Variants in CFAP97D2 observed in about 807,000 individuals in gnomAD.
CFAP97D2 encodes the protein CFAP97 domain containing 2, also known as uncharacterized protein CFAP97D2.
At position 114,200,288 on chromosome 13, in the gene CFAP97D2, C is replaced by G. The variant is rs1594517850; in HGVS notation, c.172-37C>G. Reference sequence around the variant, plus strand: ...GTGGCGTGAGGAAGAGCCTCGCAATCTGCCGGCGCTCCTCCAGCCTCCTTC... The same window carrying G: ...GTGGCGTGAGGAAGAGCCTCGCAATGTGCCGGCGCTCCTCCAGCCTCCTTC... On this transcript the variant is annotated intron_variant, in intron 2 of 4. Coordinates refer to ENST00000646158, the Ensembl canonical transcript of CFAP97D2. 1.3e-5 allele frequency: 5 copies of G among 398,554 alleles called. No individual in the cohort carries two copies. The East Asian group carries it at 1.8e-4, about 14-fold the overall frequency. 24.7% of individuals were successfully genotyped at this position (398,554 alleles called of 1,614,324 possible).
At chr13:114,201,209 T>C (rs934401504) in intron 3 of CFAP97D2, among the ~76,000 whole-genome samples, 24 of 152,176 alleles carry the variant, frequency 1.6e-4, no homozygotes, top group African/African-American at 5.8e-4. Context: ...TAGAGTAACC[T>C]CATAGTTACA....
chr13:114,197,205 T>C (rs1361119415), intron 2 of CFAP97D2, among the ~76,000 whole-genome samples: 1 of 152,238 alleles, frequency 6.6e-6, no homozygotes, highest in African/African-American at 2.4e-5. Context: ...ATGTAGATTT[T>C]CCCCACAAGA....
chr13:114,197,485 G>A (rs1403209025), intron 2 of CFAP97D2, among the ~76,000 whole-genome samples: 1 of 152,088 alleles, frequency 6.6e-6, no homozygotes, highest in East Asian at 1.9e-4. Flanking sequence ...AATGCCCTTG[G>A]CCAAGAGGAG....
Position 114,198,751 on chromosome 13 carries a change from G to C in CFAP97D2, c.172-1574G>C, listed in dbSNP as rs370624817. 5.5e-3 allele frequency among the ~76,000 whole-genome samples: 327 copies of C among 59,822 alleles called. 17 individuals are homozygous for C. Among genetic ancestry groups the C allele is most frequent in the Middle Eastern group, 9.6e-3 (1 of 104 alleles). The allele number at this position is 59,822 out of a possible 152,430, so 39.2% of individuals were successfully genotyped here. On this transcript the variant is annotated intron_variant, in intron 2 of 4. Transcript: ENST00000646158. ...CCCGTGTGTACAGTCCCCGCTGAGG[G>C]GTGACGGCGCGTCCCCGTGCTTACG... is the stretch of plus-strand genomic sequence containing the variant.
intron 4 of CFAP97D2, among the ~76,000 whole-genome samples, chr13:114,218,548 A>G (rs1422275971): frequency 6.6e-6 from 1 of 152,194 alleles, no homozygotes; most frequent in Non-Finnish European, 1.5e-5. Context: ...TATGGAACCA[A>G]AAAAGAGCCC....
At chr13:114,192,505 C>T (rs986373951) in intron 1 of CFAP97D2, among the ~76,000 whole-genome samples, 15 of 152,154 alleles carry the variant, frequency 9.9e-5, no homozygotes, top group African/African-American at 2.9e-4. Context: ...AGTTATCAGA[C>T]AGTTATCTAT....
chr13:114,204,721 A>G (rs1349053854), intron 3 of CFAP97D2, among the ~76,000 whole-genome samples: 1 of 152,186 alleles, frequency 6.6e-6, no homozygotes, highest in Admixed American at 6.5e-5. Context: ...TAAAACCATA[A>G]AACTCTTAGA....
intron 4 of CFAP97D2, among the ~76,000 whole-genome samples, chr13:114,217,025 A>G (rs945408313): frequency 6.6e-6 from 1 of 152,118 alleles, no homozygotes; most frequent in Non-Finnish European, 1.5e-5. Flanking sequence ...TTTGATTTGC[A>G]TTTCTCTGAT....
At chr13:114,219,943 T>C (rs2081012779) in intron 4 of CFAP97D2, among the ~76,000 whole-genome samples, 1 of 151,894 alleles carries the variant, frequency 6.6e-6, no homozygotes, top group African/African-American at 2.4e-5. Flanking sequence ...GTCTGCAGTT[T>C]TGAACTACTG....
At chr13:114,201,962 A>G (rs1213527113) in intron 3 of CFAP97D2, among the ~76,000 whole-genome samples, 1 of 152,236 alleles carries the variant, frequency 6.6e-6, no homozygotes, top group East Asian at 1.9e-4. Context: ...CCATGACACC[A>G]GCACCCCAGT....
At chr13:114,204,507 A>T (rs2080931093) in intron 3 of CFAP97D2, among the ~76,000 whole-genome samples, 1 of 152,230 alleles carries the variant, frequency 6.6e-6, no homozygotes, top group Non-Finnish European at 1.5e-5. Context: ...ATTAAGATAG[A>T]CATATAAATC....
chr13:114,211,801 G>C lies in CFAP97D2; in HGVS notation c.291-111G>C. 1 of 397,644 alleles carries C rather than the reference G, an allele frequency of 2.5e-6. No homozygotes were observed. 24.6% of individuals were successfully genotyped at this position (397,644 alleles called of 1,614,324 possible). A position where few individuals can be genotyped will look rare whatever the true frequency, so the allele number is the denominator to read the frequency against. Reference sequence around the variant, plus strand: ...AATGTTGGTTCAGTGGGAAGCAGGAGCAACCCTCCACCCCGGGACCCCTTC... The same window carrying C: ...AATGTTGGTTCAGTGGGAAGCAGGACCAACCCTCCACCCCGGGACCCCTTC... On this transcript the variant is annotated intron_variant, in intron 3 of 4. Transcript: ENST00000646158. The surrounding 1 kb of genome is among the most constrained non-coding windows in gnomAD (Gnocchi z 4.2).
chr13:114,180,350 A>C (rs2080827790), intron 1 of CFAP97D2, among the ~76,000 whole-genome samples: 1 of 152,120 alleles, frequency 6.6e-6, no homozygotes, highest in Non-Finnish European at 1.5e-5. Flanking sequence ...GCTGCAGGTC[A>C]CACTCATTGC....
chr13:114,182,244 AT>A (rs1390053367), intron 1 of CFAP97D2, among the ~76,000 whole-genome samples: 1 of 151,310 alleles, frequency 6.6e-6, no homozygotes, highest in Non-Finnish European at 1.5e-5. Context: ...CGTAGGCCAG[AT>A]TTATGTTTCT....
chr13:114,192,347 T>C (rs1285629343), intron 1 of CFAP97D2, among the ~76,000 whole-genome samples: 2 of 152,184 alleles, frequency 1.3e-5, no homozygotes, highest in African/African-American at 2.4e-5. Context: ...ATATGGGAAA[T>C]ATCTGTACCT....
intron 1 of CFAP97D2, among the ~76,000 whole-genome samples, chr13:114,181,058 C>A (rs1362918027): frequency 1.3e-5 from 2 of 152,238 alleles, no homozygotes; most frequent in Non-Finnish European, 2.9e-5. Flanking sequence ...GTCATTGGAA[C>A]ACCCCAGTGT....
At chr13:114,218,057 A>T (rs564163285) in intron 4 of CFAP97D2, among the ~76,000 whole-genome samples, 1 of 152,340 alleles carries the variant, frequency 6.6e-6, no homozygotes, top group East Asian at 1.9e-4. Context: ...AATAAAGGGT[A>T]TTCAATTAGG....
rs940154912 is a variant in CFAP97D2, at chr13:114,184,894, G to T, written c.90+5474G>T. On this transcript the variant is annotated intron_variant, in intron 1 of 4. Coordinates refer to ENST00000646158, the Ensembl canonical transcript of CFAP97D2. ...TGTTCAAAACCATAATTACTGCATG[G>T]TGTTAGACTGTGTATACTTATGTGC... 4.6e-5 allele frequency among the ~76,000 whole-genome samples: 7 copies of T among 152,180 alleles called. No homozygotes were observed. The East Asian group carries it at 9.6e-4, about 21-fold the overall frequency.
Position 114,203,925 on chromosome 13 carries a change from T to C in CFAP97D2, c.290+3482T>C, listed in dbSNP as rs900628916. On this transcript the variant is annotated intron_variant, in intron 3 of 4. Coordinates refer to ENST00000646158, the Ensembl canonical transcript of CFAP97D2. This position sits in a 1 kb window ranked among gnomAD's most constrained non-coding sequence, Gnocchi z 4.3. ...ATTAGAACTCCAGCCAACTTCTCTG[T>C]AGAAATTGACCCACTGGTTCTAAAA... Among the ~76,000 whole-genome samples, 2 of 152,214 alleles carry C rather than the reference T, an allele frequency of 1.3e-5. No homozygotes were observed. Among genetic ancestry groups the C allele is most frequent in the Non-Finnish European group, 2.9e-5 (2 of 68,034 alleles).
Sources: gnomAD v4.1 joint callset for allele counts (sites outside exome capture counted in the v4.1 genomes callset) on GRCh38, gnomAD v4.1.1 for gene constraint, Gnocchi (gnomAD v3.1) non-coding constraint, MANE v1.5 for transcripts, NCBI Gene and HGNC (gene_info 2026-07-23, HGNC 2026-07-21) for gene names.